Variants in GYS2 observed in about 807,000 individuals in gnomAD.
GYS2 encodes the protein glycogen synthase 2.
GYS2 carries 80 observed loss-of-function variants against 85.6 expected under a neutral mutation model. The observed-to-expected ratio is 0.93, with a 90% confidence interval of 0.78 to 1.13. The LOEUF (loss-of-function observed/expected upper bound fraction) is 1.13, where lower values mean the gene tolerates loss of function less well. Ranked by LOEUF, GYS2 falls within the 50% of genes most tolerant of loss-of-function variation. GYS2 has a pLI of 0.00. For missense variants in GYS2, 881 were observed against 854.9 expected, an observed-to-expected ratio of 1.03 and a Z score of -0.38; for synonymous variants, 328 against 300.7, an observed-to-expected ratio of 1.09 and a Z score of -0.94.
At chr12:21,534,806 G>A (rs141589296), downstream of GYS2, among the ~76,000 whole-genome samples, 431 of 152,138 alleles carry the variant, frequency 2.8e-3, 4 homozygotes, top group Non-Finnish European at 5.1e-3. Context: ...CACCACACAC[G>A]TTTTCTATAG....
At chr12:21,571,758 C>G (rs145834239) in intron 4 of GYS2, among the ~76,000 whole-genome samples, 1 of 152,030 alleles carries the variant, frequency 6.6e-6, no homozygotes, top group African/African-American at 2.4e-5. Context: ...CTCAGGAGAT[C>G]GAGGCGATCC....
chr12:21,595,650 G>C (rs571208424), intron 1 of GYS2, among the ~76,000 whole-genome samples: 1 of 151,918 alleles, frequency 6.6e-6, no homozygotes, highest in East Asian at 1.9e-4. Context: ...CACCAAAAGT[G>C]AGTAGGCAAA....
intron 1 of GYS2, among the ~76,000 whole-genome samples, chr12:21,583,440 C>T (rs1003373369): frequency 6.6e-6 from 1 of 152,168 alleles, no homozygotes; most frequent in African/African-American, 2.4e-5. Flanking sequence ...TCGAGTGATC[C>T]AAAAGGCTGC....
chr12:21,575,808 T>C, intron 3 of GYS2, 58 bp downstream of exon 3: 1 of 1,273,796 alleles, frequency 7.9e-7, no homozygotes, highest in Non-Finnish European at 1.1e-6. Flanking sequence ...GGATCATTCT[T>C]GGGCACTGAA....
rs567624059 is a variant in GYS2, at chr12:21,546,285, A to T, written c.1549+59T>A. On this transcript the variant is annotated intron_variant, in intron 12 of 15. Transcript: ENST00000261195. ...TCAACTTTGAATATTATATATATGC[A>T]CATAAAATAATATACTAACAAAATT... is the stretch of plus-strand genomic sequence containing the variant. The T allele has an allele frequency of 6.0e-6, 7 of 1,167,374 alleles. No individual in the cohort carries two copies. In the South Asian group the frequency reaches 9.5e-5, roughly 16 times the overall value. 72.3% of individuals were successfully genotyped at this position (1,167,374 alleles called of 1,614,324 possible). A position where few individuals can be genotyped will look rare whatever the true frequency, so the allele number is the denominator to read the frequency against.
intron 2 of GYS2, among the ~76,000 whole-genome samples, chr12:21,576,798 CT>C (rs1396342441): frequency 1.3e-5 from 2 of 151,830 alleles, no homozygotes; most frequent in Admixed American, 6.6e-5. Flanking sequence ...CCTTTTTTGT[CT>C]CCATATTTCT....
chr12:21,595,733 C>T (rs1299949382), intron 1 of GYS2, among the ~76,000 whole-genome samples: 2 of 152,142 alleles, frequency 1.3e-5, no homozygotes, highest in East Asian at 3.9e-4. Flanking sequence ...CCTTGTCCAA[C>T]AGGAAAATAT....
chr12:21,573,946 C>T (rs1944414656), intron 4 of GYS2, among the ~76,000 whole-genome samples, 198 bp downstream of exon 4: 1 of 152,222 alleles, frequency 6.6e-6, no homozygotes, highest in African/African-American at 2.4e-5. Flanking sequence ...CACCTCTATA[C>T]TCTAGTGTAC....
intron 15 of GYS2, 155 bp from the exon 16 acceptor site, chr12:21,537,330 CCAATCT>C: frequency 1.5e-6 from 1 of 669,970 alleles, no homozygotes; most frequent in Non-Finnish European, 2.7e-6. Context: ...TTTGATACCA[CCAATCT>C]CAAGAGGGAT....
At chr12:21,548,961 A>G (rs1417444504) in intron 11 of GYS2, among the ~76,000 whole-genome samples, 1 of 152,178 alleles carries the variant, frequency 6.6e-6, no homozygotes, top group African/African-American at 2.4e-5. Context: ...TAGAATGAAA[A>G]TAGGCATATA....
rs761283803 is a variant in GYS2 at position 21,562,983 on chromosome 12, CAT to C, written c.995_996del (p.Tyr332Ter). 1.2e-6 allele frequency: 2 copies of C among 1,613,206 alleles called. No individual in the cohort carries two copies. The highest frequency in any genetic ancestry group is 1.7e-6 in the Non-Finnish European group (2 of 1,179,306). The part of the protein sequence containing the change: ...KTLFLFIAGR[Y>X]EFSNKGADIF... ...ATGTCAGCTCCTTTGTTTGAAAACT[CAT>C]ACCTCCCAGCAATGAAAAGGAACAA... On this transcript the variant is annotated frameshift_variant, in exon 7 of 16. Transcript: ENST00000261195. LOFTEE classifies it high-confidence loss of function.
At chr12:21,577,629 G>A (rs566460000) in intron 2 of GYS2, among the ~76,000 whole-genome samples, 5 of 152,030 alleles carry the variant, frequency 3.3e-5, no homozygotes, top group Admixed American at 2.0e-4. Flanking sequence ...AATGTTTTCC[G>A]GTACTCTTTG....
intron 3 of GYS2, 152 bp downstream of exon 3, chr12:21,575,714 C>T (rs920603130): frequency 4.3e-6 from 3 of 698,658 alleles, no homozygotes; most frequent in Non-Finnish European, 7.7e-6. Flanking sequence ...GCAGAATGCT[C>T]AACATTTCCT....
At chr12:21,569,040 G>T in intron 4 of GYS2, 31 bp from the exon 5 acceptor site, 1 of 1,610,060 alleles carries the variant, frequency 6.2e-7, no homozygotes, top group Admixed American at 1.7e-5. Context: ...ACACACATTT[G>T]CTAACAATGG....
chr12:21,558,276 A>G lies in GYS2; in HGVS notation c.1346T>C (p.Ile449Thr), dbSNP rs749863926. 13 of 1,613,966 alleles carry G rather than the reference A, an allele frequency of 8.1e-6. No homozygotes were observed. The highest frequency in any genetic ancestry group is 1.0e-5 in the Non-Finnish European group (12 of 1,179,824). ...GAGGATGGGGTCGGTGGAGTCATCA[A>G]TCATGTTGTGCGTGGTCACTGGGGG... ...SLPPVTTHNM[I>T]DDSTDPILST... is the part of the protein sequence containing the mutation. The change falls in exon 11 of 16, where the codon ATT becomes ACT. Residue 449 changes from isoleucine (I) to threonine (T), a missense_variant. Transcript: ENST00000261195.
intron 1 of GYS2, among the ~76,000 whole-genome samples, chr12:21,591,715 GT>G (rs1343948164): frequency 6.6e-6 from 1 of 152,018 alleles, no homozygotes; most frequent in African/African-American, 2.4e-5. Flanking sequence ...AAGCCAAAGA[GT>G]AAGAACTCTA....
At chr12:21,598,060 G>C (rs1342031020) in intron 1 of GYS2, among the ~76,000 whole-genome samples, 1 of 152,044 alleles carries the variant, frequency 6.6e-6, no homozygotes, top group Non-Finnish European at 1.5e-5. Flanking sequence ...TACGTTATGG[G>C]AGGAAGGGAG....
intron 11 of GYS2, among the ~76,000 whole-genome samples, chr12:21,551,106 C>A (rs1944105092): frequency 6.6e-6 from 1 of 151,234 alleles, no homozygotes; most frequent in Middle Eastern, 3.4e-3. Context: ...GTGTGCTGCA[C>A]CCACTAACTC....
At position 21,581,776 on chromosome 12, in the gene GYS2, C is replaced by T. The variant is rs112065082; in HGVS notation, c.122-1253G>A. ...AGTATGAAAAGGATGTTTACTAAAG[C>T]ATTATGATGGCAAAAAATTAGAAAC... On this transcript the variant is annotated intron_variant, in intron 1 of 15. Coordinates refer to ENST00000261195, the MANE Select transcript of GYS2 (RefSeq NM_021957.4). Among the ~76,000 whole-genome samples the T allele has an allele frequency of 5.6e-3, 857 of 152,274 alleles. 5 individuals carry two copies. The highest frequency in any genetic ancestry group is 0.017 in the African/African-American group (719 of 41,538).
Sources: allele counts gnomAD v4.1 joint callset (sites outside exome capture counted in the v4.1 genomes callset), GRCh38; gene constraint gnomAD v4.1.1; transcripts MANE v1.5; gene names NCBI Gene and HGNC (gene_info 2026-07-23, HGNC 2026-07-21).